PROCR: variants seen among roughly 807,000 people sequenced by gnomAD.
PROCR encodes protein C receptor.
PROCR carries 22 observed loss-of-function variants against 24.2 expected under a neutral mutation model. That is an observed-to-expected ratio of 0.91 (90% CI 0.65 to 1.30). The LOEUF is 1.30. Ranked by LOEUF, PROCR falls within the 50% of genes most tolerant of loss-of-function variation. PROCR has a pLI of 0.00. For missense variants in PROCR, 288 were observed against 307.7 expected (o/e 0.94, Z 0.48); for synonymous variants, 137 against 139.2 (o/e 0.98, Z 0.11).
At chr20:35,192,232 C>T (rs541411466) in intron 1 of PROCR, among the ~76,000 whole-genome samples, 8 of 152,254 alleles carry the variant, frequency 5.3e-5, no homozygotes, top group African/African-American at 1.7e-4. Context: ...CTAACAGAAA[C>T]GTTTACCTAT....
At chr20:35,199,437 C>CTTCGATT (rs1274563909) in intron 1 of PROCR, among the ~76,000 whole-genome samples, 4 of 152,064 alleles carry the variant, frequency 2.6e-5, no homozygotes, top group African/African-American at 9.7e-5. Flanking sequence ...CAAGGAGTAA[C>CTTCGATT]TTCGATTTTC....
chr20:35,187,828 G>T (rs1376615521), intron 1 of PROCR, among the ~76,000 whole-genome samples: 1 of 152,162 alleles, frequency 6.6e-6, no homozygotes, highest in East Asian at 1.9e-4. Context: ...TCCCAGCTCT[G>T]ATAACTAGGA....
downstream of PROCR, among the ~76,000 whole-genome samples, chr20:35,178,507 G>GTTTTGTTTTTTTTTTTTTTTTTTTTT (rs1272557859): frequency 8.7e-5 from 3 of 34,372 alleles, 1 homozygote; most frequent in African/African-American, 1.8e-4. Context: ...TCAAGTCTCA[G>GTTTTGTTTTTTTTTTTTTTTTTTTTT]TTTTTTTTTT....
intron 1 of PROCR, among the ~76,000 whole-genome samples, chr20:35,197,953 A>G (rs1163468665): frequency 2.0e-5 from 3 of 151,900 alleles, no homozygotes; most frequent in Admixed American, 6.6e-5. Flanking sequence ...CTTACACCAA[A>G]TGGTTAGCCG....
chr20:35,176,545 C>T (rs1223095243), intron 3 of PROCR, 99 bp downstream of exon 3: 3 of 1,599,008 alleles, frequency 1.9e-6, no homozygotes, highest in African/African-American at 2.7e-5. Context: ...AACAAGAGGC[C>T]CACAGCTGGG....
intron 1 of PROCR, among the ~76,000 whole-genome samples, chr20:35,200,268 T>G (rs1409968883): frequency 6.6e-6 from 1 of 152,240 alleles, no homozygotes; most frequent in Non-Finnish European, 1.5e-5. Context: ...GAAGTTCTAC[T>G]GTGGGTAAAA....
intron 1 of PROCR, among the ~76,000 whole-genome samples, chr20:35,209,957 C>T (rs377586913): frequency 2.0e-5 from 3 of 152,228 alleles, no homozygotes; most frequent in South Asian, 4.1e-4. Flanking sequence ...CTGGGCACAG[C>T]GGCTCAAGCC....
At chr20:35,187,699 G>A (rs550387632) in intron 1 of PROCR, among the ~76,000 whole-genome samples, 3 of 152,158 alleles carry the variant, frequency 2.0e-5, no homozygotes, top group Admixed American at 6.5e-5. Context: ...AAGAGTGAAT[G>A]GAAGGTTCAT....
At chr20:35,178,027 G>A (rs1568592212), downstream of PROCR, among the ~76,000 whole-genome samples, 1 of 151,932 alleles carries the variant, frequency 6.6e-6, no homozygotes, top group Non-Finnish European at 1.5e-5. Flanking sequence ...ACCCTTTCTA[G>A]GTGACCTACT....
Position 35,174,886 on chromosome 20 carries a change from C to T in PROCR, c.255C>T (p.Gly85=). ...EPESWARTQS[G]LQSYLLQFHG... The stretch of plus-strand genomic sequence containing the variant: ...AGAGCTGGGCGCGCACGCAGAGTGG[C>T]CTGCAGTCCTACCTGCTCCAGTTCC... Residue 85 remains glycine (G), a synonymous_variant, in exon 2 of 4, where the codon GGC becomes GGT. Coordinates refer to ENST00000216968, the MANE Select transcript of PROCR (RefSeq NM_006404.5). The T allele has an allele frequency of 1.9e-6, 3 of 1,611,704 alleles. No individual in the cohort carries two copies. The highest frequency in any genetic ancestry group is 8.5e-7 in the Non-Finnish European group (1 of 1,179,128).
chr20:35,183,315 T>C (rs1224971638), intron 1 of PROCR, among the ~76,000 whole-genome samples: 3 of 152,146 alleles, frequency 2.0e-5, no homozygotes, highest in Non-Finnish European at 4.4e-5. Context: ...ACACCATCCT[T>C]TAGTGTTGAG....
downstream of PROCR, among the ~76,000 whole-genome samples, chr20:35,178,539 G>A (rs113089320): frequency 1.5e-4 from 3 of 19,852 alleles, no homozygotes; most frequent in African/African-American, 9.9e-4. Context: ...TTTTTGAGAC[G>A]AAGTCTCGCT....
intron 1 of PROCR, among the ~76,000 whole-genome samples, chr20:35,193,338 G>C (rs952903260): frequency 6.6e-6 from 1 of 152,210 alleles, no homozygotes; most frequent in Non-Finnish European, 1.5e-5. Flanking sequence ...ACCACGCCCA[G>C]CTAATTTTTG....
rs1199576147 is a variant in PROCR at position 35,177,014 on chromosome 20, A to G, written c.*201A>G. The G allele has an allele frequency of 7.8e-6, 11 of 1,406,344 alleles. No individual in the cohort carries two copies. The highest frequency in any genetic ancestry group is 2.7e-4 in the Middle Eastern group (1 of 3,742). 87.1% of individuals were successfully genotyped at this position (1,406,344 alleles called of 1,614,324 possible). A position where few individuals can be genotyped will look rare whatever the true frequency, so the allele number is the denominator to read the frequency against. ...GGTGGACAAAGTACTTGGTTTGCTA[A>G]GAACCTAAGAACGTGTATGCTTTGC... On this transcript the variant is annotated 3_prime_UTR_variant, in exon 4 of 4. Coordinates refer to ENST00000216968, the MANE Select transcript of PROCR (RefSeq NM_006404.5).
At chr20:35,189,953 C>T (rs17092414) in intron 1 of PROCR, among the ~76,000 whole-genome samples, 5,898 of 152,200 alleles carry the variant, frequency 0.039, 153 homozygotes, top group Middle Eastern at 0.072. Context: ...TGATAATAAT[C>T]CCTCGCCTTT....
chr20:35,204,366 T>TTCCC (rs1394556646), intron 1 of PROCR, among the ~76,000 whole-genome samples: 1 of 109,458 alleles, frequency 9.1e-6, no homozygotes, highest in Non-Finnish European at 1.8e-5. Context: ...CCCTCCCTCC[T>TTCCC]TCCCTCCCTC....
chr20:35,187,642 T>G (rs2086139461), intron 1 of PROCR, among the ~76,000 whole-genome samples: 1 of 152,204 alleles, frequency 6.6e-6, no homozygotes, highest in African/African-American at 2.4e-5. Context: ...TCTGACCGTT[T>G]AGGGAGAAGA....
chr20:35,196,437 GA>G (rs764846353), intron 1 of PROCR, among the ~76,000 whole-genome samples: 11 of 151,842 alleles, frequency 7.2e-5, no homozygotes, highest in Non-Finnish European at 1.6e-4. Context: ...TCAAACTTCT[GA>G]AAACCAAATA....
At chr20:35,195,873 G>A (rs2086211551) in intron 1 of PROCR, among the ~76,000 whole-genome samples, 1 of 150,260 alleles carries the variant, frequency 6.7e-6, no homozygotes, top group South Asian at 2.1e-4. Flanking sequence ...AAAAGAACAT[G>A]ATGTTTTAGA....
Sources: gnomAD v4.1 joint callset for allele counts (sites outside exome capture counted in the v4.1 genomes callset) on GRCh38, gnomAD v4.1.1 for gene constraint, MANE v1.5 for transcripts, NCBI Gene and HGNC (gene_info 2026-07-23, HGNC 2026-07-21) for gene names.